Variants in KIAA1549L observed in about 807,000 individuals in gnomAD.
The protein encoded by KIAA1549L is UPF0606 protein KIAA1549L.
KIAA1549L carries 88 observed loss-of-function variants against 160.7 expected under a neutral mutation model. That is an observed-to-expected ratio of 0.55 (90% confidence interval 0.46 to 0.65). The LOEUF is 0.65. KIAA1549L is among the 30% of genes least tolerant of loss of function. The pLI is 0.00. For synonymous variants in KIAA1549L, 950 were observed against 976.7 expected, an observed-to-expected ratio of 0.97 and a Z score of 0.51; for missense variants, 2,258 against 2,437.5, an observed-to-expected ratio of 0.93 and a Z score of 1.55.
At chr11:33,441,940 C>T (rs1851515927) in intron 1 of KIAA1549L, among the ~76,000 whole-genome samples, 1 of 152,136 alleles carries the variant, frequency 6.6e-6, no homozygotes, top group African/African-American at 2.4e-5. Flanking sequence ...TCCCGTTTGT[C>T]AATTTTGGCT....
rs78743283 is a variant in KIAA1549L at position 33,500,138 on chromosome 11, G to A, written c.239-41664G>A. 1.3e-3 allele frequency among the ~76,000 whole-genome samples: 194 copies of A among 152,282 alleles called. 4 individuals are homozygous for A. The highest frequency in any genetic ancestry group is 4.5e-3 in the African/African-American group (187 of 41,564). On this transcript the variant is annotated intron_variant, in intron 1 of 20. Transcript: ENST00000658780. ...CCTAATTTTACAATAAAAATTTTGA[G>A]ATTTCTTATAAAGGAGAATTTAGAC...
chr11:33,424,207 C>T (rs1419861818), intron 1 of KIAA1549L, among the ~76,000 whole-genome samples: 1 of 152,126 alleles, frequency 6.6e-6, no homozygotes. Context: ...TTGTGATGCT[C>T]AAGGCAGTTT....
intron 16 of KIAA1549L, among the ~76,000 whole-genome samples, chr11:33,623,667 AC>A (rs1344426991): frequency 6.6e-6 from 1 of 151,886 alleles, no homozygotes; most frequent in Non-Finnish European, 1.5e-5. Flanking sequence ...ACACTTATCA[AC>A]CCCAGTGATG....
chr11:33,433,211 C>T (rs894838134), intron 1 of KIAA1549L, among the ~76,000 whole-genome samples: 1 of 152,034 alleles, frequency 6.6e-6, no homozygotes, highest in Non-Finnish European at 1.5e-5. Flanking sequence ...TCAGAACTTA[C>T]AAGGAACTTC....
intron 6 of KIAA1549L, among the ~76,000 whole-genome samples, chr11:33,555,873 C>G (rs1178397078): frequency 6.6e-6 from 1 of 151,980 alleles, no homozygotes; most frequent in Non-Finnish European, 1.5e-5. Context: ...AAAAGCAATT[C>G]ATAGAATAAA....
chr11:33,634,586 TG>T (rs1851389539), intron 16 of KIAA1549L, among the ~76,000 whole-genome samples: 1 of 152,136 alleles, frequency 6.6e-6, no homozygotes. Context: ...CAACAAGTTA[TG>T]GGGGGAGAAA....
At chr11:33,630,889 G>T (rs1022559515) in intron 16 of KIAA1549L, among the ~76,000 whole-genome samples, 1 of 152,218 alleles carries the variant, frequency 6.6e-6, no homozygotes, top group African/African-American at 2.4e-5. Context: ...TCTAAGCTTT[G>T]TATGAGATTC....
intron 1 of KIAA1549L, among the ~76,000 whole-genome samples, chr11:33,438,849 T>G (rs1277832880): frequency 2.8e-5 from 1 of 35,700 alleles, no homozygotes; most frequent in African/African-American, 1.0e-4. Flanking sequence ...ATTTGAAGGT[T>G]TTTTTTTTTT....
chr11:33,581,120 C>T (rs192093765), intron 10 of KIAA1549L, among the ~76,000 whole-genome samples: 22 of 152,264 alleles, frequency 1.4e-4, no homozygotes, highest in Admixed American at 2.0e-4. Flanking sequence ...TAGGGCCTCA[C>T]GGGCTGGGAC....
chr11:33,481,444 G>T lies in KIAA1549L; in HGVS notation c.239-60358G>T, dbSNP rs565379255. Among the ~76,000 whole-genome samples the T allele has an allele frequency of 2.0e-5, 3 of 152,292 alleles. No individual in the cohort carries two copies. In the East Asian group the frequency reaches 5.8e-4, roughly 29 times the overall value. ...ATTAGATAGTTTTAATGCATAAATT[G>T]TTGCCTGGTTTAAAAGTTATTTTGT... On this transcript the variant is annotated intron_variant, in intron 1 of 20. Transcript: ENST00000658780.
intron 1 of KIAA1549L, among the ~76,000 whole-genome samples, chr11:33,535,497 A>AC (rs1853873691): frequency 6.6e-6 from 1 of 151,760 alleles, no homozygotes; most frequent in African/African-American, 2.4e-5. Context: ...ACATGGCGAA[A>AC]CCCGTCTGTA....
chr11:33,397,216 C>T (rs892031401), intron 1 of KIAA1549L, among the ~76,000 whole-genome samples: 4 of 145,188 alleles, frequency 2.8e-5, no homozygotes, highest in African/African-American at 1.0e-4. Context: ...CGCCTGTAGT[C>T]CCAGCTACTT....
chr11:33,636,937 C>CA (rs1408172466), intron 16 of KIAA1549L, among the ~76,000 whole-genome samples: 2 of 152,134 alleles, frequency 1.3e-5, no homozygotes, highest in African/African-American at 2.4e-5. Flanking sequence ...TATGGAGGAA[C>CA]ATAACTCAAG....
Position 33,544,190 on chromosome 11 carries a change from A to G in KIAA1549L, c.2627A>G (p.Asn876Ser), listed in dbSNP as rs377249336. ...DTGSEISSDI[N>S]SSPERNASTP... is the part of the protein sequence containing the mutation. The stretch of plus-strand genomic sequence containing the variant: ...GGTTCTGAAATTTCCAGTGACATCA[A>G]TTCATCACCTGAGAGAAATGCTTCC... Residue 876 changes from asparagine to serine, a missense_variant, in exon 2 of 21, where the codon AAT becomes AGT. Physicochemically the swap from Asn to Ser is conservative, Grantham distance 46. This residue lies in a region of KIAA1549L where 287 missense variants were observed against 292.3 expected (regional missense o/e 0.98). Transcript: ENST00000658780. 4.2e-5 allele frequency: 67 copies of G among 1,614,022 alleles called. No homozygotes were observed. In the African/African-American group the frequency reaches 8.1e-4, roughly 20 times the overall value.
intron 1 of KIAA1549L, among the ~76,000 whole-genome samples, chr11:33,407,472 G>C (rs551785158): frequency 3.3e-5 from 5 of 152,034 alleles, no homozygotes; most frequent in Non-Finnish European, 7.4e-5. Flanking sequence ...CTGCAAGCCT[G>C]CGAGTAGCTG....
In KIAA1549L at chr11:33,658,696, G is replaced by A. The variant is rs1224738061; in HGVS notation, c.5859-54G>A. ...TGACGGGGCGCACTCCTCCTGCTCG[G>A]GACGCCGCCTGAGGTCTGGGACAGT... On this transcript the variant is annotated intron_variant, in intron 18 of 20. Transcript: ENST00000658780. The A allele has an allele frequency of 4.5e-6, 7 of 1,544,994 alleles. No homozygotes were observed. In the East Asian group the frequency reaches 1.7e-4, roughly 38 times the overall value.
chr11:33,655,914 C>G, intron 17 of KIAA1549L, 98 bp from the exon 18 acceptor site: 1 of 789,150 alleles, frequency 1.3e-6, no homozygotes, highest in Non-Finnish European at 2.2e-6. Context: ...CAGAGTCTGA[C>G]CCTTGGAAGT....
rs1854946275 is a variant in KIAA1549L at position 33,563,518 on chromosome 11, C to T, written c.4078+1783C>T. On this transcript the variant is annotated intron_variant, in intron 8 of 20. Transcript: ENST00000658780. ...TCTCTCACTTGCGGTCCCAAGCAAG[C>T]AGCAGATGGGCTGCTGCCTAAAATA... Among the ~76,000 whole-genome samples, 3 of 152,136 alleles carry T rather than the reference C, an allele frequency of 2.0e-5. No individual in the cohort carries two copies. The South Asian group carries it at 6.2e-4, about 32-fold the overall frequency.
At chr11:33,494,460 G>A (rs150962144) in intron 1 of KIAA1549L, among the ~76,000 whole-genome samples, 2 of 152,140 alleles carry the variant, frequency 1.3e-5, no homozygotes, top group Non-Finnish European at 2.9e-5. Context: ...CAACATATTC[G>A]TTTTTCTTCT....
Sources: allele counts gnomAD v4.1 joint callset (sites outside exome capture counted in the v4.1 genomes callset), GRCh38; gene constraint gnomAD v4.1.1; regional missense constraint gnomAD v4.1.1; transcripts MANE v1.5; gene names NCBI Gene and HGNC (gene_info 2026-07-23, HGNC 2026-07-21).